The following NDST3 variants were observed in gnomAD, a reference collection of about 807,000 sequenced individuals.
The protein encoded by NDST3 is bifunctional heparan sulfate N-deacetylase/N-sulfotransferase 3.
A neutral mutation model predicts 96.1 loss-of-function variants in NDST3; 58 were observed. The ratio of observed to expected loss-of-function variants is 0.60; its 90% confidence interval spans 0.49 to 0.75. The LOEUF (loss-of-function observed/expected upper bound fraction) is 0.75. Among genes scored for constraint, NDST3 ranks in the 30% least tolerant of loss-of-function variants. The pLI is 0.00. For missense variants in NDST3, 788 were observed against 1,034.2 expected, an observed-to-expected ratio of 0.76 and a Z score of 3.27; for synonymous variants, 333 against 359.7, an observed-to-expected ratio of 0.93 and a Z score of 0.84.
chr4:118,060,729 T>A (rs1725826659), intron 2 of NDST3, among the ~76,000 whole-genome samples: 1 of 152,158 alleles, frequency 6.6e-6, no homozygotes, highest in Non-Finnish European at 1.5e-5. Flanking sequence ...TTATCTCTTT[T>A]TTTTTAGTAG....
At chr4:118,255,430 CTG>C (rs3838634) in intron 13 of NDST3, among the ~76,000 whole-genome samples, 161 bp from the exon 14 acceptor site, 44,497 of 152,076 alleles carry the variant, frequency 0.29, 6,872 homozygotes, top group East Asian at 0.52. Flanking sequence ...GTACCCAAGA[CTG>C]TCAGTAAAAT....
intron 4 of NDST3, among the ~76,000 whole-genome samples, chr4:118,135,827 A>G (rs1226651319): frequency 6.6e-6 from 1 of 152,186 alleles, no homozygotes; most frequent in Non-Finnish European, 1.5e-5. Flanking sequence ...GCAGTAAGCT[A>G]TGATCACCAC....
At chr4:118,200,345 A>C (rs1737990949) in intron 6 of NDST3, among the ~76,000 whole-genome samples, 1 of 152,190 alleles carries the variant, frequency 6.6e-6, no homozygotes, top group Admixed American at 6.5e-5. Flanking sequence ...TCAGGCCCAC[A>C]GGGAGTACTG....
chr4:118,241,316 A>C (rs1210916908), intron 11 of NDST3, among the ~76,000 whole-genome samples: 3 of 152,242 alleles, frequency 2.0e-5, no homozygotes, highest in Non-Finnish European at 4.4e-5. Flanking sequence ...TCAATAGCTA[A>C]ATGTTAGACC....
At chr4:118,154,254 C>G (rs545701046) in intron 6 of NDST3, among the ~76,000 whole-genome samples, 148 of 152,296 alleles carry the variant, frequency 9.7e-4, no homozygotes, top group African/African-American at 3.3e-3. Flanking sequence ...TTGCCTAACA[C>G]CTGCCCCACA....
intron 4 of NDST3, among the ~76,000 whole-genome samples, chr4:118,116,377 T>C (rs1240091338): frequency 6.6e-6 from 1 of 152,166 alleles, no homozygotes; most frequent in Non-Finnish European, 1.5e-5. Context: ...TTGTTGTTGT[T>C]GTTGTTGCTG....
intron 4 of NDST3, among the ~76,000 whole-genome samples, chr4:118,130,201 G>A (rs369704983): frequency 3.9e-5 from 6 of 151,948 alleles, no homozygotes; most frequent in Admixed American, 6.6e-5. Context: ...GATTATTTAC[G>A]TGTAGAAACT....
chr4:118,251,085 A>ATTTT (rs1419839839), intron 12 of NDST3, among the ~76,000 whole-genome samples: 2,639 of 126,874 alleles, frequency 0.021, 42 homozygotes, highest in Middle Eastern at 0.042. Flanking sequence ...TTAGCTATAA[A>ATTTT]TTTTTTATTT....
chr4:118,063,581 T>C (rs1317595567), intron 2 of NDST3, among the ~76,000 whole-genome samples: 1 of 152,170 alleles, frequency 6.6e-6, no homozygotes, highest in East Asian at 1.9e-4. Context: ...AAAAAATCTT[T>C]TTTGTATCTC....
chr4:118,213,805 A>G (rs1321981048), intron 6 of NDST3, among the ~76,000 whole-genome samples: 1 of 150,508 alleles, frequency 6.6e-6, no homozygotes, highest in Non-Finnish European at 1.5e-5. Flanking sequence ...TTCTTTTTTG[A>G]CATTTTCTGT....
Position 118,253,517 on chromosome 4 carries a change from T to G in NDST3, c.2418T>G (p.Gly806=). Residue 806 remains glycine, a synonymous_variant, in exon 13 of 14, where the codon GGT becomes GGG. Transcript: ENST00000296499. Reference sequence around the variant, plus strand: ...TTTTTAGGTTTGATTCTCATAAAGGTTTCTGGTGTCAGTTACTGGAAGAAG... The same window carrying G: ...TTTTTAGGTTTGATTCTCATAAAGGGTTCTGGTGTCAGTTACTGGAAGAAG... ...SEALTFDSHK[G]FWCQLLEEGK... The G allele has an allele frequency of 6.2e-7, 1 of 1,610,966 alleles. No homozygotes were observed.
At position 118,053,335 on chromosome 4, in the gene NDST3, T is replaced by A. The variant is rs1226581351; in HGVS notation, c.-155-421T>A. On this transcript the variant is annotated intron_variant, in intron 1 of 13. Coordinates refer to ENST00000296499, the MANE Select transcript of NDST3 (RefSeq NM_004784.3). ...CGACTTTGCAGAAAAGAAAAACACA[T>A]GTTTTAATTATGGCATAAACATTCA... Among the ~76,000 whole-genome samples the A allele has an allele frequency of 2.0e-5, 3 of 151,960 alleles. No individual in the cohort carries two copies. The East Asian group carries it at 5.8e-4, about 29-fold the overall frequency.
At chr4:118,167,672 T>C (rs1735649129) in intron 6 of NDST3, among the ~76,000 whole-genome samples, 1 of 151,948 alleles carries the variant, frequency 6.6e-6, no homozygotes, top group African/African-American at 2.4e-5. Context: ...ATTACAAAGA[T>C]ATAGTAATTA....
chr4:118,189,294 G>A (rs1380813141), intron 6 of NDST3, among the ~76,000 whole-genome samples: 1 of 152,104 alleles, frequency 6.6e-6, no homozygotes, highest in Non-Finnish European at 1.5e-5. Flanking sequence ...CAGGTGCTCT[G>A]CCTGTCTCAG....
chr4:118,187,545 T>A (rs1200970413), intron 6 of NDST3, among the ~76,000 whole-genome samples: 1 of 152,188 alleles, frequency 6.6e-6, no homozygotes, highest in Non-Finnish European at 1.5e-5. Context: ...TCATCTTTCA[T>A]CTCTCAAGGC....
chr4:118,232,132 T>C (rs1367016754), intron 8 of NDST3, among the ~76,000 whole-genome samples: 2 of 152,208 alleles, frequency 1.3e-5, no homozygotes, highest in African/African-American at 4.8e-5. Context: ...GATTAAATTC[T>C]GTCTTGAGTT....
At chr4:118,112,693 T>C (rs1388526657) in intron 3 of NDST3, among the ~76,000 whole-genome samples, 1 of 152,154 alleles carries the variant, frequency 6.6e-6, no homozygotes, top group Non-Finnish European at 1.5e-5. Context: ...TACAAAATGC[T>C]TCTTTACAAA....
At chr4:118,107,098 A>ATCATCATC (rs1560647786) in intron 3 of NDST3, among the ~76,000 whole-genome samples, 5 of 151,676 alleles carry the variant, frequency 3.3e-5, no homozygotes, top group African/African-American at 1.2e-4. Flanking sequence ...TCAAAATAAT[A>ATCATCATC]ATAATAATAA....
chr4:118,214,912 T>C (rs1263321698), intron 6 of NDST3, among the ~76,000 whole-genome samples: 1 of 152,132 alleles, frequency 6.6e-6, no homozygotes, highest in Non-Finnish European at 1.5e-5. Flanking sequence ...TTCATTCAAA[T>C]ATTATTTATT....
Sources: allele counts gnomAD v4.1 joint callset (sites outside exome capture counted in the v4.1 genomes callset), GRCh38; gene constraint gnomAD v4.1.1; transcripts MANE v1.5; gene names NCBI Gene and HGNC (gene_info 2026-07-23, HGNC 2026-07-21).